ZNF644: variants seen among roughly 807,000 people sequenced by gnomAD.
ZNF644 encodes zinc finger motif enhancer binding protein 2.
In ZNF644, 20 loss-of-function variants were observed where a neutral mutation model predicts 108.0. The observed-to-expected ratio is 0.19, with a 90% CI of 0.13 to 0.27. ZNF644 has a LOEUF of 0.27. ZNF644 is among the 10% of genes least tolerant of loss of function. The probability of loss-of-function intolerance (pLI) is 1.00; values close to 1 mark genes in which losing one functional copy is unlikely to be tolerated. For missense variants in ZNF644, 1,338 were observed against 1,548.9 expected, an observed-to-expected ratio of 0.86 and a Z score of 2.29; for synonymous variants, 542 against 539.1, an observed-to-expected ratio of 1.01 and a Z score of -0.08.
At chr1:90,948,539 T>A (rs1332602923) in intron 2 of ZNF644, among the ~76,000 whole-genome samples, 1 of 152,150 alleles carries the variant, frequency 6.6e-6, no homozygotes, top group African/African-American at 2.4e-5. Flanking sequence ...CATACTTAAG[T>A]CCCCGCACTT....
intron 1 of ZNF644, among the ~76,000 whole-genome samples, chr1:91,004,694 C>T (rs992503799): frequency 4.0e-5 from 6 of 151,830 alleles, no homozygotes; most frequent in Non-Finnish European, 8.8e-5. Context: ...AATAACAGCA[C>T]GAAGGAAGGA....
At chr1:90,974,749 G>A (rs1337778567) in intron 2 of ZNF644, among the ~76,000 whole-genome samples, 1 of 152,162 alleles carries the variant, frequency 6.6e-6, no homozygotes, top group Non-Finnish European at 1.5e-5. Flanking sequence ...AGCTTTCCCT[G>A]TGATCTGTTC....
chr1:91,012,759 C>A (rs1660075097), intron 1 of ZNF644, among the ~76,000 whole-genome samples: 1 of 152,096 alleles, frequency 6.6e-6, no homozygotes, highest in South Asian at 2.1e-4. Context: ...CTCCCACTAC[C>A]TGGGAGTTAC....
At chr1:90,933,944 C>T (rs1651038902) in intron 4 of ZNF644, among the ~76,000 whole-genome samples, 2 of 152,212 alleles carry the variant, frequency 1.3e-5, no homozygotes, top group South Asian at 4.1e-4. Flanking sequence ...ACTTGTATGG[C>T]TGTTGTAAAG....
chr1:90,951,083 CT>C (rs1407078686), intron 2 of ZNF644, among the ~76,000 whole-genome samples: 1 of 152,164 alleles, frequency 6.6e-6, no homozygotes, highest in Non-Finnish European at 1.5e-5. Flanking sequence ...GGAATTCCTA[CT>C]GCTATTATCT....
intron 1 of ZNF644, among the ~76,000 whole-genome samples, chr1:91,005,143 G>T (rs1020318164): frequency 6.6e-6 from 1 of 152,034 alleles, no homozygotes; most frequent in Admixed American, 6.6e-5. Flanking sequence ...GATAAAAAAA[G>T]TTATACCATG....
intron 2 of ZNF644, among the ~76,000 whole-genome samples, chr1:90,951,973 T>A (rs541981092): frequency 9.7e-4 from 147 of 152,204 alleles, no homozygotes; most frequent in African/African-American, 3.4e-3. Context: ...AATAGGAAAA[T>A]TTGAAGGCTA....
Position 90,939,079 on chromosome 1 carries a change from C to T in ZNF644, c.2275G>A (p.Val759Met), listed in dbSNP as rs1557568334. The T allele has an allele frequency of 6.2e-7, 1 of 1,614,020 alleles. No individual in the cohort carries two copies. Among genetic ancestry groups the T allele is most frequent in the Non-Finnish European group, 8.5e-7 (1 of 1,179,918 alleles). ...MIKKSGESYP[V>M]HFKKEEASSL... ...CTAGCTTCTTCTTTTTTGAAATGCACAGGATATGATTCACCTGATTTTTTG... is the reference window on the plus strand; with the variant it reads ...CTAGCTTCTTCTTTTTTGAAATGCATAGGATATGATTCACCTGATTTTTTG... Residue 759 changes from valine (V) to methionine (M), a missense_variant, in exon 3 of 6, where the codon GTG (valine) becomes ATG (methionine). By Grantham distance (21) the Val-to-Met change is conservative. Around this residue, in one of 6 missense-constraint regions of ZNF644, gnomAD observed 462 missense variants for 472.6 expected, o/e 0.98. Transcript: ENST00000337393.
At chr1:90,994,641 G>A (rs1657963063) in intron 1 of ZNF644, among the ~76,000 whole-genome samples, 1 of 152,212 alleles carries the variant, frequency 6.6e-6, no homozygotes, top group South Asian at 2.1e-4. Flanking sequence ...CCTTTCAACA[G>A]AGTGCATTCC....
intron 1 of ZNF644, among the ~76,000 whole-genome samples, chr1:90,983,148 A>G (rs528187990): frequency 9.3e-4 from 142 of 152,298 alleles, no homozygotes; most frequent in African/African-American, 2.8e-3. Flanking sequence ...TTTAAAAAAT[A>G]GCACCACCAC....
chr1:90,999,509 C>A (rs116501196), intron 1 of ZNF644, among the ~76,000 whole-genome samples: 1 of 152,054 alleles, frequency 6.6e-6, no homozygotes, highest in Admixed American at 6.5e-5. Flanking sequence ...TTTGTCACCA[C>A]CAGGCCTGTC....
At chr1:90,934,070 T>C (rs925297217) in intron 4 of ZNF644, among the ~76,000 whole-genome samples, 15 of 152,206 alleles carry the variant, frequency 9.9e-5, no homozygotes, top group African/African-American at 3.6e-4. Flanking sequence ...GTCTCTTATT[T>C]TTATTGTTCC....
rs1157216552 is a variant in ZNF644, at chr1:90,916,162, T to C, written c.*636A>G. 6.5e-6 allele frequency: 1 copy of C among 152,684 alleles called. No homozygotes were observed. The highest frequency in any genetic ancestry group is 1.5e-5 in the Non-Finnish European group (1 of 68,078). The allele number at this position is 152,684 out of a possible 1,614,324, so 9.5% of individuals were successfully genotyped here. A position where few individuals can be genotyped will look rare whatever the true frequency, so the allele number is the denominator to read the frequency against. The stretch of plus-strand genomic sequence containing the variant: ...TTACCACAAATAATTTCCAGAACTA[T>C]GTACATATTTCTTTTAGAAATACTT... On this transcript the variant is annotated 3_prime_UTR_variant, in exon 6 of 6. Coordinates refer to ENST00000337393, the MANE Select transcript of ZNF644 (RefSeq NM_201269.3).
chr1:91,014,491 T>A (rs1660259423), intron 1 of ZNF644, among the ~76,000 whole-genome samples: 1 of 152,220 alleles, frequency 6.6e-6, no homozygotes, highest in Non-Finnish European at 1.5e-5. Flanking sequence ...CAATTTTTCA[T>A]CTATATTTTA....
At chr1:90,973,371 G>C (rs138914027) in intron 2 of ZNF644, among the ~76,000 whole-genome samples, 5 of 152,224 alleles carry the variant, frequency 3.3e-5, no homozygotes, top group African/African-American at 1.2e-4. Context: ...TTACCACTCT[G>C]TTGAGAGCAG....
At chr1:90,973,430 C>G (rs1299540452) in intron 2 of ZNF644, among the ~76,000 whole-genome samples, 1 of 152,116 alleles carries the variant, frequency 6.6e-6, no homozygotes, top group Non-Finnish European at 1.5e-5. Context: ...CTACCCCGTT[C>G]AAATCCTAGG....
chr1:90,935,675 T>C, intron 4 of ZNF644: 31 of 382,706 alleles, frequency 8.1e-5, no homozygotes, highest in South Asian at 1.1e-4. Flanking sequence ...GGAGGGGAAA[T>C]TAAGTTAACT....
In ZNF644 at chr1:90,940,083, T is replaced by G; in HGVS notation, c.1271A>C (p.His424Pro). 3 of 1,614,032 alleles carry G rather than the reference T, an allele frequency of 1.9e-6. No homozygotes were observed. Among genetic ancestry groups the G allele is most frequent in the Non-Finnish European group, 2.5e-6 (3 of 1,179,958 alleles). ...KCNVNFREKKHLHRHMMYHLD... is the reference protein window; with the variant it reads ...KCNVNFREKKPLHRHMMYHLD... Reference sequence around the variant, plus strand: ...ATGATACATCATATGCCTGTGGAGGTGCTTCTTCTCCCTAAAATTCACATT... The same window carrying G: ...ATGATACATCATATGCCTGTGGAGGGGCTTCTTCTCCCTAAAATTCACATT... The change falls in exon 3 of 6, where the codon CAC (histidine) becomes CCC (proline). Residue 424 changes from histidine (H) to proline (P), a missense_variant. Coordinates refer to ENST00000337393, the MANE Select transcript of ZNF644 (RefSeq NM_201269.3).
chr1:90,990,041 G>C (rs910267389), intron 1 of ZNF644, among the ~76,000 whole-genome samples: 3 of 152,068 alleles, frequency 2.0e-5, no homozygotes, highest in African/African-American at 7.2e-5. Flanking sequence ...CACCTCAAGG[G>C]CATTATAACT....
Sources: gnomAD v4.1 joint callset for allele counts (sites outside exome capture counted in the v4.1 genomes callset) on GRCh38, gnomAD v4.1.1 for gene constraint, gnomAD v4.1.1 regional missense constraint, MANE v1.5 for transcripts, NCBI Gene and HGNC (gene_info 2026-07-23, HGNC 2026-07-21) for gene names.